MBD5: variants seen among roughly 807,000 people sequenced by gnomAD.
The protein encoded by MBD5 is methyl-CpG binding domain protein 5, also known as methyl-CpG-binding domain protein 5.
MBD5 carries 13 observed loss-of-function variants against 117.3 expected under a neutral mutation model. That is an observed-to-expected ratio of 0.11 (90% CI 0.07 to 0.18). MBD5 has a LOEUF of 0.18. Among genes scored for constraint, MBD5 ranks in the 10% least tolerant of loss-of-function variants. MBD5 has a pLI of 1.00. For synonymous variants in MBD5, 727 were observed against 766.4 expected (o/e 0.95, Z 0.85); for missense variants, 1,879 against 2,093.8 (o/e 0.90, Z 2.00).
At chr2:148,264,996 G>A (rs1390339404) in intron 3 of MBD5, 1 of 151,924 alleles carries the variant, frequency 6.6e-6, no homozygotes, top group East Asian at 1.9e-4. Context: ...CCCAAAATAA[G>A]GAATGTGTTC....
intron 3 of MBD5, among the ~76,000 whole-genome samples, chr2:148,246,142 G>A (rs1257758092): frequency 1.3e-5 from 2 of 152,264 alleles, no homozygotes; most frequent in East Asian, 1.9e-4. Flanking sequence ...AAATAAATCT[G>A]CATGATAGGA....
At chr2:148,480,196 T>C (rs1420725111) in intron 8 of MBD5, among the ~76,000 whole-genome samples, 3 of 152,126 alleles carry the variant, frequency 2.0e-5, no homozygotes, top group African/African-American at 7.2e-5. Context: ...TATTCACCAC[T>C]TTCTTGATGG....
chr2:148,101,646 C>T (rs1696219847), intron 1 of MBD5, among the ~76,000 whole-genome samples: 1 of 152,136 alleles, frequency 6.6e-6, no homozygotes, highest in Non-Finnish European at 1.5e-5. Context: ...ATTTTATCAT[C>T]TTTACAAACA....
chr2:148,261,334 A>C (rs1700727465), intron 3 of MBD5, among the ~76,000 whole-genome samples: 1 of 152,214 alleles, frequency 6.6e-6, no homozygotes, highest in African/African-American at 2.4e-5. Flanking sequence ...ACTACACTGA[A>C]AATCTGTTGT....
At chr2:148,302,487 T>C (rs1052819368) in intron 3 of MBD5, among the ~76,000 whole-genome samples, 1 of 152,226 alleles carries the variant, frequency 6.6e-6, no homozygotes, top group South Asian at 2.1e-4. Flanking sequence ...CTCTTGCTAA[T>C]AGAGATGTAA....
At chr2:148,232,173 A>G (rs2044761) in intron 2 of MBD5, among the ~76,000 whole-genome samples, 91,367 of 152,066 alleles carry the variant, frequency 0.6, 27,667 homozygotes, top group East Asian at 0.72. Flanking sequence ...GAAGGCCACT[A>G]AGGCTACAGA....
At chr2:148,208,191 T>TA (rs1699332616) in intron 2 of MBD5, among the ~76,000 whole-genome samples, 1 of 152,204 alleles carries the variant, frequency 6.6e-6, no homozygotes, top group Non-Finnish European at 1.5e-5. Context: ...AAACATGGAA[T>TA]AAGGACACTC....
intron 3 of MBD5, among the ~76,000 whole-genome samples, chr2:148,319,599 A>G (rs1431176571): frequency 6.6e-6 from 1 of 152,130 alleles, no homozygotes; most frequent in African/African-American, 2.4e-5. Context: ...CTGTATGGTA[A>G]TTTTGTATCC....
Position 148,408,257 on chromosome 2 carries a change from G to T in MBD5, c.-556-49946G>T, listed in dbSNP as rs111876557. On this transcript the variant is annotated intron_variant, in intron 4 of 13. Coordinates refer to ENST00000642680, the MANE Select transcript of MBD5 (RefSeq NM_001378120.1). ...TTTTTCATTAACATTAGATTGATTT[G>T]CCCAGAGATAAAATTGCTTGCATCA... Among the ~76,000 whole-genome samples, 447 of 152,126 alleles carry T rather than the reference G, an allele frequency of 2.9e-3. 3 individuals carry two copies. The highest frequency in any genetic ancestry group is 0.01 in the African/African-American group (430 of 41,496).
intron 3 of MBD5, among the ~76,000 whole-genome samples, chr2:148,317,860 T>G (rs1702191107): frequency 6.6e-6 from 1 of 152,256 alleles, no homozygotes; most frequent in African/African-American, 2.4e-5. Flanking sequence ...AGTCCTCTGA[T>G]GATGGACACT....
intron 3 of MBD5, among the ~76,000 whole-genome samples, chr2:148,259,091 G>T (rs568886920): frequency 6.6e-6 from 1 of 152,088 alleles, no homozygotes; most frequent in South Asian, 2.1e-4. Flanking sequence ...CCCATCTCCC[G>T]GATGACTTGC....
intron 4 of MBD5, among the ~76,000 whole-genome samples, chr2:148,438,633 G>A (rs1004417150): frequency 1.3e-5 from 2 of 152,112 alleles, no homozygotes; most frequent in African/African-American, 4.8e-5. Context: ...TATGAGAGGA[G>A]ATTTATTAGG....
At chr2:148,497,826 T>G (rs1194064250) in intron 11 of MBD5, among the ~76,000 whole-genome samples, 1 of 152,024 alleles carries the variant, frequency 6.6e-6, no homozygotes, top group Non-Finnish European at 1.5e-5. Context: ...ATTTAAAGGT[T>G]TGTCCATGTT....
chr2:148,082,691 A>G (rs1695674502), intron 1 of MBD5, among the ~76,000 whole-genome samples: 1 of 152,200 alleles, frequency 6.6e-6, no homozygotes, highest in Non-Finnish European at 1.5e-5. Context: ...CTACAACTCA[A>G]TTATACCTCC....
At chr2:148,465,125 C>T (rs892524944) in intron 7 of MBD5, among the ~76,000 whole-genome samples, 7 of 152,080 alleles carry the variant, frequency 4.6e-5, no homozygotes, top group African/African-American at 1.2e-4. Flanking sequence ...CAACTTTGCA[C>T]GATGTTCCTC....
chr2:148,308,997 C>T (rs553259905), intron 3 of MBD5, among the ~76,000 whole-genome samples: 15 of 151,558 alleles, frequency 9.9e-5, no homozygotes, highest in African/African-American at 2.7e-4. Flanking sequence ...GCCTCTGTTC[C>T]GTTTCATTGG....
chr2:148,064,121 C>CTTTTTTTTTTTTTTTTTT lies in MBD5; in HGVS notation c.-925+42443_-925+42444insTTTTTTTTTTTTTTTTTT. ...GAAACATACTATTCCCACCAGCTGTCTTTTTTCTTTTTTTTTTTTTTTGAG... is the reference window on the plus strand; with the variant it reads ...GAAACATACTATTCCCACCAGCTGTCTTTTTTTTTTTTTTTTTTTTTTTTCTTTTTTTTTTTTTTTGAG... On this transcript the variant is annotated intron_variant, in intron 1 of 13. Transcript: ENST00000642680. Among the ~76,000 whole-genome samples the CTTTTTTTTTTTTTTTTTT allele has an allele frequency of 1.6e-5, 2 of 126,152 alleles. 1 individual carries two copies. The highest frequency in any genetic ancestry group is 3.3e-5 in the Non-Finnish European group (2 of 61,272). 82.8% of individuals were successfully genotyped at this position (126,152 alleles called of 152,430 possible).
chr2:148,303,411 C>T (rs1216383759), intron 3 of MBD5, among the ~76,000 whole-genome samples: 1 of 152,164 alleles, frequency 6.6e-6, no homozygotes, highest in South Asian at 2.1e-4. Flanking sequence ...CACAACAGCA[C>T]AGCAGGGAGC....
intron 8 of MBD5, among the ~76,000 whole-genome samples, chr2:148,475,165 A>G (rs921907828): frequency 6.6e-6 from 1 of 152,106 alleles, no homozygotes; most frequent in African/African-American, 2.4e-5. Flanking sequence ...TTTTCACTCA[A>G]ATTTTTAAAT....
Sources: gnomAD v4.1 joint callset for allele counts (sites outside exome capture counted in the v4.1 genomes callset) on GRCh38, gnomAD v4.1.1 for gene constraint, MANE v1.5 for transcripts, NCBI Gene and HGNC (gene_info 2026-07-23, HGNC 2026-07-21) for gene names.